The following PCDHGA1 variants were observed in gnomAD, a reference collection of about 807,000 sequenced individuals.
PCDHGA1 encodes the protein protocadherin gamma-A1.
PCDHGA1 carries 32 observed loss-of-function variants against 58.0 expected under a neutral mutation model. The ratio of observed to expected loss-of-function variants is 0.55; its 90% CI spans 0.42 to 0.74. The LOEUF (loss-of-function observed/expected upper bound fraction) is 0.74. Among genes scored for constraint, PCDHGA1 ranks in the 30% least tolerant of loss-of-function variants. The pLI is 0.00. For synonymous variants in PCDHGA1, 498 were observed against 501.1 expected, an observed-to-expected ratio of 0.99 and a Z score of 0.08; for missense variants, 1,205 against 1,182.3, an observed-to-expected ratio of 1.02 and a Z score of -0.28.
intron 1 of PCDHGA1, among the ~76,000 whole-genome samples, chr5:141,483,203 A>G (rs940487337): frequency 6.6e-6 from 1 of 152,204 alleles, no homozygotes; most frequent in Admixed American, 6.5e-5. Flanking sequence ...ATTTTATTCC[A>G]TATAGATGAC....
Position 141,393,006 on chromosome 5 carries a change from C to T in PCDHGA1, c.2421+59901C>T, listed in dbSNP as rs182052960. On this transcript the variant is annotated intron_variant, in intron 1 of 3. Coordinates refer to ENST00000517417, the MANE Select transcript of PCDHGA1 (RefSeq NM_018912.3). ...CCGGAAGCTGGCGAAGCACGGAGTC[C>T]GTATCGTCTCCAGAGGTAGGACGCA... is the stretch of plus-strand genomic sequence containing the variant. 3.5e-3 allele frequency: 5,649 copies of T among 1,613,866 alleles called. 26 individuals are homozygous for T. The highest frequency in any genetic ancestry group is 4.1e-3 in the Non-Finnish European group (4,855 of 1,179,884).
In PCDHGA1 at chr5:141,415,757, T is replaced by G. The variant is rs765276447; in HGVS notation, c.2422-79050T>G. The G allele has an allele frequency of 5.6e-3, 7,497 of 1,346,942 alleles. 12 individuals are homozygous for G. The highest frequency in any genetic ancestry group is 0.012 in the East Asian group (422 of 35,004). The allele number at this position is 1,346,942 out of a possible 1,614,324, so 83.4% of individuals were successfully genotyped here. A position where few individuals can be genotyped will look rare whatever the true frequency, so the allele number is the denominator to read the frequency against. ...TTATTAAGGTTTTTTTTTTTTTTTT[T>G]TTTTTTTTTTTTTTTACTTTCTGGT... On this transcript the variant is annotated intron_variant, in intron 1 of 3. Coordinates refer to ENST00000517417, the MANE Select transcript of PCDHGA1 (RefSeq NM_018912.3).
At position 141,431,850 on chromosome 5, in the gene PCDHGA1, C is replaced by T; in HGVS notation, c.2422-62957C>T. On this transcript the variant is annotated intron_variant, in intron 1 of 3. Transcript: ENST00000517417. The surrounding 1 kb of genome is among the most constrained non-coding windows in gnomAD (Gnocchi z 4.8). ...GTTCCCGAAAACTCTCCCAGAGGGA[C>T]ATTAATTGCCCTTTTAAATGTAAAT... The T allele has an allele frequency of 1.9e-6, 3 of 1,614,234 alleles. No homozygotes were observed. The highest frequency in any genetic ancestry group is 2.2e-5 in the South Asian group (2 of 91,090).
intron 1 of PCDHGA1, chr5:141,478,451 G>A (rs377597887): frequency 2.5e-6 from 4 of 1,613,440 alleles, no homozygotes; most frequent in African/African-American, 2.7e-5. Context: ...ACCTGGTGCA[G>A]CCAGTCCACT....
In PCDHGA1 at chr5:141,486,397, G is replaced by T; in HGVS notation, c.2422-8410G>T. 6.2e-7 allele frequency: 1 copy of T among 1,614,164 alleles called. No individual in the cohort carries two copies. Among genetic ancestry groups the T allele is most frequent in the East Asian group, 2.2e-5 (1 of 44,872 alleles). On this transcript the variant is annotated intron_variant, in intron 1 of 3. Coordinates refer to ENST00000517417, the MANE Select transcript of PCDHGA1 (RefSeq NM_018912.3). The surrounding 1 kb of genome is among the most constrained non-coding windows in gnomAD (Gnocchi z 5.0). ...CCTTCAGGAACCAGTTCTCCCTGGTGACTGCTGGACCCTTGGATCGAGAGG... is the reference window on the plus strand; with the variant it reads ...CCTTCAGGAACCAGTTCTCCCTGGTTACTGCTGGACCCTTGGATCGAGAGG...
At chr5:141,441,981 C>A in intron 1 of PCDHGA1, 1 of 278,140 alleles carries the variant, frequency 3.6e-6, no homozygotes, top group South Asian at 3.6e-5. Context: ...GCCTGGAATG[C>A]GCACCGACGA....
intron 1 of PCDHGA1, chr5:141,398,682 A>G (rs767093587): frequency 1.4e-5 from 23 of 1,613,842 alleles, no homozygotes; most frequent in Non-Finnish European, 1.9e-5. Flanking sequence ...TTAAGGAGAA[A>G]CAGGATGGTA....
chr5:141,460,126 T>TC (rs2098982804), intron 1 of PCDHGA1, among the ~76,000 whole-genome samples: 1 of 151,986 alleles, frequency 6.6e-6, no homozygotes, highest in South Asian at 2.1e-4. Context: ...ATATATGTAA[T>TC]ATATATATTC....
intron 1 of PCDHGA1, chr5:141,376,306 G>A (rs1772539310): frequency 6.2e-7 from 1 of 1,614,202 alleles, no homozygotes; most frequent in East Asian, 2.2e-5. Flanking sequence ...CGCACTTTGT[G>A]GGCGTGGAAG....
intron 1 of PCDHGA1, chr5:141,374,981 G>A (rs761282613): frequency 6.2e-7 from 1 of 1,614,036 alleles, no homozygotes; most frequent in Non-Finnish European, 8.5e-7. Context: ...TTTGACTGGA[G>A]AAATTTCAAC....
At chr5:141,410,914 C>T (rs1399369063) in intron 1 of PCDHGA1, 4 of 246,122 alleles carry the variant, frequency 1.6e-5, no homozygotes, top group Admixed American at 6.8e-5. Context: ...AGTGCAGTGG[C>T]GTGATCTCTG....
chr5:141,333,550 C>A (rs1377885275), intron 1 of PCDHGA1: 1 of 215,492 alleles, frequency 4.6e-6, no homozygotes, highest in African/African-American at 2.3e-5. Flanking sequence ...TCTGTCAGGA[C>A]ACTGTGATAG....
intron 1 of PCDHGA1, among the ~76,000 whole-genome samples, chr5:141,451,571 A>G (rs2098719323): frequency 6.6e-6 from 1 of 152,188 alleles, no homozygotes; most frequent in Non-Finnish European, 1.5e-5. Context: ...CAATCTTTTT[A>G]TAAACCTAAT....
At chr5:141,343,338 G>C in intron 1 of PCDHGA1, 1 of 981,118 alleles carries the variant, frequency 1.0e-6, no homozygotes, top group South Asian at 4.7e-5. Context: ...TTTTTTCCTT[G>C]TCTCAGCTCT....
At chr5:141,351,298 G>A (rs370335375) in intron 1 of PCDHGA1, 3 of 1,613,822 alleles carry the variant, frequency 1.9e-6, no homozygotes, top group Non-Finnish European at 2.5e-6. Flanking sequence ...TGACATTCAT[G>A]TCCTTCTCTA....
intron 1 of PCDHGA1, chr5:141,409,850 G>T (rs1301108879): frequency 6.2e-7 from 1 of 1,612,142 alleles, no homozygotes; most frequent in South Asian, 1.1e-5. Context: ...GAGCCTGCGC[G>T]TGTTGGTGGG....
At chr5:141,430,737 A>G in intron 1 of PCDHGA1, 1 of 1,498,286 alleles carries the variant, frequency 6.7e-7, no homozygotes, top group South Asian at 1.4e-5. Flanking sequence ...CAGAATTGAA[A>G]ATAATTCTGG....
In PCDHGA1 at chr5:141,405,021, C is replaced by T. The variant is rs188043964; in HGVS notation, c.2421+71916C>T. The T allele has an allele frequency of 2.9e-5, 46 of 1,613,980 alleles. No homozygotes were observed. Among genetic ancestry groups the T allele is most frequent in the Non-Finnish European group, 3.7e-5 (44 of 1,179,862 alleles). On this transcript the variant is annotated intron_variant, in intron 1 of 3. Coordinates refer to ENST00000517417, the MANE Select transcript of PCDHGA1 (RefSeq NM_018912.3). ...GCAGACCTGGAGGCCTCAGACCTTA[C>T]CCTCTACCTCGTTGTGGCTGTGGCA...
chr5:141,353,742 T>C (rs1759373082), intron 1 of PCDHGA1, among the ~76,000 whole-genome samples: 1 of 150,890 alleles, frequency 6.6e-6, no homozygotes, highest in Non-Finnish European at 1.5e-5. Flanking sequence ...TAGTTAAATC[T>C]ATAAACATGT....
Sources: gnomAD v4.1 joint callset for allele counts (sites outside exome capture counted in the v4.1 genomes callset) on GRCh38, gnomAD v4.1.1 for gene constraint, Gnocchi (gnomAD v3.1) non-coding constraint, MANE v1.5 for transcripts, NCBI Gene and HGNC (gene_info 2026-07-23, HGNC 2026-07-21) for gene names.